PLXNB3: variants seen among roughly 807,000 people sequenced by gnomAD.
PLXNB3 encodes plexin-B3.
Under a neutral mutation model 125.7 loss-of-function variants are expected in PLXNB3, and 80 were observed. The ratio of observed to expected loss-of-function variants is 0.64; its 90% CI spans 0.53 to 0.77. The LOEUF is 0.77. PLXNB3 is among the 30% of genes least tolerant of loss of function. PLXNB3 has a pLI of 0.00. For synonymous variants in PLXNB3, 954 were observed against 783.3 expected (o/e 1.22, Z -3.64); for missense variants, 1,836 against 1,729.3 (o/e 1.06, Z -1.09).
chrX:153,768,934 G>C lies in PLXNB3; in HGVS notation c.1267-14G>C. 1 of 1,208,411 alleles carries C rather than the reference G, an allele frequency of 8.3e-7. No homozygotes were observed. Among genetic ancestry groups the C allele is most frequent in the African/African-American group, 1.7e-5 (1 of 57,840 alleles). On this transcript the variant is annotated splice_polypyrimidine_tract_variant and intron_variant, in intron 4 of 35. Transcript: ENST00000361971. ...GGCCATCTGGCCCAGCCTCGTCCTT[G>C]TCCCCCCACTCAGGTCTTTCTCCAC... is the stretch of plus-strand genomic sequence containing the variant.
chrX:153,775,216 C>A lies in PLXNB3; in HGVS notation c.4156-9C>A, dbSNP rs369736167. The A allele has an allele frequency of 1.4e-5, 16 of 1,168,242 alleles. No individual in the cohort carries two copies. In the African/African-American group the frequency reaches 2.6e-4, roughly 19 times the overall value. On this transcript the variant is annotated splice_polypyrimidine_tract_variant and intron_variant, in intron 24 of 35. Transcript: ENST00000361971. ...GGCTTCCCAGGATGAGCCTCCGACC[C>A]CTGCTCAGCTCATCCACACCCTGGA...
Position 153,773,701 on chromosome X carries a change from G to A in PLXNB3, c.3267G>A (p.Gly1089=). Residue 1089 remains glycine, a synonymous_variant, in exon 19 of 36, where the codon GGG becomes GGA. Coordinates refer to ENST00000361971, the MANE Select transcript of PLXNB3 (RefSeq NM_005393.3). ...ADPQACIQLG[G]GLLQCSTVCS... The stretch of plus-strand genomic sequence containing the variant: ...CCCAGGCTTGTATCCAGCTCGGTGG[G>A]GGGCTGCTGCAGGTGAGCCCCTCAC... 4 of 1,164,218 alleles carry A rather than the reference G, an allele frequency of 3.4e-6. No individual in the cohort carries two copies. Among genetic ancestry groups the A allele is most frequent in the Non-Finnish European group, 4.6e-6 (4 of 872,659 alleles).
intron 2 of PLXNB3, chrX:153,765,851 A>G (rs1399131811): frequency 1.3e-6 from 1 of 752,805 alleles, no homozygotes; most frequent in African/African-American, 2.3e-5. Flanking sequence ...CCAGGGCAGC[A>G]TCTCTCTGTG....
In PLXNB3 at chrX:153,766,876, C is replaced by T. The variant is rs1252299131; in HGVS notation, c.49C>T (p.Pro17Ser). The T allele has an allele frequency of 1.1e-5, 13 of 1,193,892 alleles. No homozygotes were observed. The highest frequency in any genetic ancestry group is 1.4e-5 in the Non-Finnish European group (12 of 888,295). ...ETPLLHHFMA[P>S]VMARWPPFGL... ...CCTGACCTGTGCCCTCTCACAGGCC[C>T]CCGTGATGGCTCGCTGGCCTCCCTT... is the stretch of plus-strand genomic sequence containing the variant. Residue 17 changes from proline to serine, a missense_variant, in exon 3 of 36, where the codon CCC (proline) becomes TCC (serine). Transcript: ENST00000361971.
At position 153,767,463 on chromosome X, in the gene PLXNB3, G is replaced by A. The variant is rs1557059678; in HGVS notation, c.636G>A (p.Gln212=). 8.4e-7 allele frequency: 1 copy of A among 1,194,495 alleles called. No homozygotes were observed. Among genetic ancestry groups the A allele is most frequent in the East Asian group, 3.0e-5 (1 of 33,483 alleles). ...PLAIRQLAGS[Q]PFSSEGLGRL... Reference sequence around the variant, plus strand: ...CCATCCGCCAGCTGGCCGGGTCTCAGCCCTTCTCCAGCGAGGGCCTGGGCC... The same window carrying A: ...CCATCCGCCAGCTGGCCGGGTCTCAACCCTTCTCCAGCGAGGGCCTGGGCC... Residue 212 remains glutamine (Q), a synonymous_variant, in exon 3 of 36, where the codon CAG becomes CAA. Transcript: ENST00000361971.
In PLXNB3 at chrX:153,777,290, C is replaced by T. The variant is rs782285223; in HGVS notation, c.5010C>T (p.Ala1670=). The T allele has an allele frequency of 7.2e-5, 87 of 1,203,418 alleles. No individual in the cohort carries two copies. The Admixed American group carries it at 1.9e-3, about 26-fold the overall frequency. ...LVKATEEPEG[A]KVRCSSLRER... is the part of the protein sequence containing the mutation. ...AAGCCACCGAGGAGCCAGAAGGGGC[C>T]AAGGTGCGGTGCAGCAGCCTGCGGG... The change falls in exon 30 of 36, where the codon GCC becomes GCT. Residue 1670 remains alanine, a synonymous_variant. Coordinates refer to ENST00000361971, the MANE Select transcript of PLXNB3 (RefSeq NM_005393.3).
Position 153,773,409 on chromosome X carries a change from G to A in PLXNB3, c.3083+3G>A. ...GAGCCCAGTGCCAGCTTCCGGGGGT[G>A]AGGGTCAGCCCGCAGGCCAGCCTGT... On this transcript the variant is annotated splice_donor_region_variant and intron_variant, in intron 18 of 35. Coordinates refer to ENST00000361971, the MANE Select transcript of PLXNB3 (RefSeq NM_005393.3). The A allele has an allele frequency of 8.3e-7, 1 of 1,200,683 alleles. No homozygotes were observed. Among genetic ancestry groups the A allele is most frequent in the Non-Finnish European group, 1.1e-6 (1 of 889,757 alleles).
At chrX:153,771,705 C>T in intron 14 of PLXNB3, 50 bp downstream of exon 14, 2 of 1,133,458 alleles carry the variant, frequency 1.8e-6, no homozygotes, top group Non-Finnish European at 2.3e-6. Context: ...TTCTCCTGCC[C>T]CGCACTGTCC....
Position 153,773,406 on chromosome X carries a change from G to A in PLXNB3, c.3083G>A (p.Gly1028Glu). 1.7e-6 allele frequency: 2 copies of A among 1,201,146 alleles called. No homozygotes were observed. The highest frequency in any genetic ancestry group is 2.2e-6 in the Non-Finnish European group (2 of 889,999). ...GCGGAGCCCAGTGCCAGCTTCCGGG[G>A]GTGAGGGTCAGCCCGCAGGCCAGCC... The part of the protein sequence containing the change: ...VAAEPSASFR[G>E]GGRLIRVRGT... The change falls in exon 18 of 36, where the codon GGG becomes GAG. Residue 1028 changes from glycine (G) to glutamate (E), a missense_variant and splice_region_variant. Coordinates refer to ENST00000361971, the MANE Select transcript of PLXNB3 (RefSeq NM_005393.3).
intron 16 of PLXNB3, 82 bp downstream of exon 16, chrX:153,772,369 A>C: frequency 2.8e-5 from 20 of 718,425 alleles, no homozygotes; most frequent in Non-Finnish European, 3.6e-5. Flanking sequence ...TAAGGATGTC[A>C]AGCTGGGTCT....
chrX:153,771,172 A>T, intron 12 of PLXNB3, 91 bp downstream of exon 12: 1 of 935,109 alleles, frequency 1.1e-6, no homozygotes, highest in Non-Finnish European at 1.5e-6. Flanking sequence ...CTTGGGGCCC[A>T]TAACCTCTGT....
Position 153,775,645 on chromosome X carries a change from G to A in PLXNB3, c.4386G>A (p.Leu1462=). 8.3e-7 allele frequency: 1 copy of A among 1,210,294 alleles called. No homozygotes were observed. Among genetic ancestry groups the A allele is most frequent in the African/African-American group, 1.7e-5 (1 of 57,961 alleles). ...TCACCAACTGGCTGTCCATCTGCCT[G>A]TACGCCTTCCTGAGGGTGAGGGGCA... is the stretch of plus-strand genomic sequence containing the variant. The part of the protein sequence containing the change: ...KLLTNWLSIC[L]YAFLREVAGE... Residue 1462 remains leucine, a synonymous_variant, in exon 26 of 36, where the codon CTG becomes CTA. Coordinates refer to ENST00000361971, the MANE Select transcript of PLXNB3 (RefSeq NM_005393.3).
In PLXNB3 at chrX:153,775,884, C is replaced by T. The variant is rs1386649676; in HGVS notation, c.4402-3C>T. The T allele has an allele frequency of 8.3e-7, 1 of 1,203,089 alleles. No individual in the cohort carries two copies. On this transcript the variant is annotated splice_polypyrimidine_tract_variant and splice_region_variant and intron_variant, in intron 26 of 35. Coordinates refer to ENST00000361971, the MANE Select transcript of PLXNB3 (RefSeq NM_005393.3). Reference sequence around the variant, plus strand: ...CTGATGCCGGCTCATCTTGGCAGTGCAGGAGGTGGCTGGTGAACCACTGTA... The same window carrying T: ...CTGATGCCGGCTCATCTTGGCAGTGTAGGAGGTGGCTGGTGAACCACTGTA...
chrX:153,778,923 C>G lies in PLXNB3; in HGVS notation c.5626-12C>G. On this transcript the variant is annotated splice_polypyrimidine_tract_variant and intron_variant, in intron 35 of 35. Coordinates refer to ENST00000361971, the MANE Select transcript of PLXNB3 (RefSeq NM_005393.3). ...GGCAGGCTCAGACAGGCACCCTCCT[C>G]TGCCCGGGCAGATTATCAGTGCCCT... 1 of 1,147,157 alleles carries G rather than the reference C, an allele frequency of 8.7e-7. No homozygotes were observed. Among genetic ancestry groups the G allele is most frequent in the South Asian group, 2.1e-5 (1 of 48,555 alleles). The allele number at this position is 1,147,157 out of a possible 1,213,427, so 94.5% of individuals were successfully genotyped here.
rs2091920315 is a variant in PLXNB3, at chrX:153,770,824, G to C, written c.2077G>C (p.Val693Leu). 3.3e-6 allele frequency: 4 copies of C among 1,208,433 alleles called. 1 individual carries two copies. Among genetic ancestry groups the C allele is most frequent in the African/African-American group, 3.5e-5 (2 of 57,681 alleles). ...QVEGLAGPHL[V>L]PVGWESHLAL... ...CGAAGGCCTGGCAGGTCCCCACCTGGTGCCTGTGGGCTGGGAGAGCCATTT... is the reference window on the plus strand; with the variant it reads ...CGAAGGCCTGGCAGGTCCCCACCTGCTGCCTGTGGGCTGGGAGAGCCATTT... The change falls in exon 11 of 36, where the codon GTG becomes CTG. Residue 693 changes from valine (V) to leucine (L), a missense_variant. Physicochemically the swap from Val to Leu is conservative, Grantham distance 32. Coordinates refer to ENST00000361971, the MANE Select transcript of PLXNB3 (RefSeq NM_005393.3).
intron 1 of PLXNB3, among the ~76,000 whole-genome samples, chrX:153,764,554 G>A (rs1464370336): frequency 1.8e-5 from 2 of 112,988 alleles, no homozygotes; most frequent in Non-Finnish European, 3.8e-5. Context: ...CTCGGGCAGG[G>A]TACAGGGTAG....
chrX:153,765,438 G>C, intron 1 of PLXNB3, 33 bp from the exon 2 acceptor site: 1 of 1,077,610 alleles, frequency 9.3e-7, no homozygotes, highest in Non-Finnish European at 1.3e-6. Context: ...AGCTCGAATG[G>C]GGCTGAGCCT....
intron 25 of PLXNB3, 40 bp from the exon 26 acceptor site, chrX:153,775,554 A>G (rs1557063787): frequency 8.4e-7 from 1 of 1,186,570 alleles, no homozygotes; most frequent in South Asian, 1.8e-5. Flanking sequence ...CAGCAGGGAC[A>G]CAGGCACAAA....
At position 153,774,692 on chromosome X, in the gene PLXNB3, G is replaced by A; in HGVS notation, c.3831-14G>A. On this transcript the variant is annotated splice_polypyrimidine_tract_variant and intron_variant, in intron 22 of 35. Transcript: ENST00000361971. ...GCCCCGGCCCTGGCTGATGAAGCTGGCCCCGGGCTGCAGGCACAAGAGCAA... is the reference window on the plus strand; with the variant it reads ...GCCCCGGCCCTGGCTGATGAAGCTGACCCCGGGCTGCAGGCACAAGAGCAA... 2 of 1,154,977 alleles carry A rather than the reference G, an allele frequency of 1.7e-6. No individual in the cohort carries two copies. The highest frequency in any genetic ancestry group is 6.1e-5 in the East Asian group (2 of 32,881).
Sources: allele counts gnomAD v4.1 joint callset (sites outside exome capture counted in the v4.1 genomes callset), GRCh38; gene constraint gnomAD v4.1.1; transcripts MANE v1.5; gene names NCBI Gene and HGNC (gene_info 2026-07-23, HGNC 2026-07-21).